Variants in ALDH1A2 observed in about 807,000 individuals in gnomAD.
ALDH1A2 encodes the protein aldehyde dehydrogenase 1 family member A2.
In ALDH1A2, 27 loss-of-function variants were observed where a neutral mutation model predicts 60.3. The observed-to-expected ratio is 0.45, with a 90% CI of 0.33 to 0.62. The LOEUF (loss-of-function observed/expected upper bound fraction) is 0.62, where lower values mean the gene tolerates loss of function less well. Among genes scored for constraint, ALDH1A2 ranks in the 20% least tolerant of loss-of-function variants. The pLI is 0.02. For synonymous variants in ALDH1A2, 289 were observed against 232.4 expected, an observed-to-expected ratio of 1.24 and a Z score of -2.21; for missense variants, 581 against 643.8, an observed-to-expected ratio of 0.90 and a Z score of 1.06.
At chr15:57,998,387 A>G (rs1482003872) in intron 4 of ALDH1A2, among the ~76,000 whole-genome samples, 2 of 152,112 alleles carry the variant, frequency 1.3e-5, no homozygotes, top group Non-Finnish European at 2.9e-5. Flanking sequence ...AAAAATCACA[A>G]CCATTCCTAT....
intron 7 of ALDH1A2, among the ~76,000 whole-genome samples, chr15:57,989,450 GAATA>G (rs1286621258): frequency 6.6e-6 from 1 of 152,024 alleles, no homozygotes; most frequent in Non-Finnish European, 1.5e-5. Flanking sequence ...TCTTCTAAAA[GAATA>G]AATGGGCTTT....
intron 12 of ALDH1A2, among the ~76,000 whole-genome samples, chr15:57,958,439 G>C (rs544369835): frequency 4.1e-4 from 63 of 152,294 alleles, no homozygotes; most frequent in Middle Eastern, 3.4e-3. Flanking sequence ...GCAGAAATAG[G>C]TGGGCAGGAG....
In ALDH1A2 at chr15:57,995,133, T is replaced by G. The variant is rs761939819; in HGVS notation, c.500A>C (p.Asp167Ala). ...TTCATGTCTTGTAAAGGTAAAATAG[T>G]CTCCATCTGAAAGAAAAAAGCATGG... ...IHGMTIPVDG[D>A]YFTFTRHEPI... The change falls in exon 5 of 13, where the codon GAC becomes GCC. Residue 167 changes from aspartate to alanine, a missense_variant. Asp to Ala is a moderately radical substitution (Grantham distance 126, BLOSUM62 -2). This residue lies in a region of ALDH1A2 where 375 missense variants were observed against 469.7 expected (regional missense o/e 0.80). Transcript: ENST00000249750. 1 of 1,605,046 alleles carries G rather than the reference T, an allele frequency of 6.2e-7. No individual in the cohort carries two copies. Among genetic ancestry groups the G allele is most frequent in the Admixed American group, 1.7e-5 (1 of 58,424 alleles).
At chr15:58,063,498 A>G (rs1897093749) in intron 1 of ALDH1A2, among the ~76,000 whole-genome samples, 2 of 152,014 alleles carry the variant, frequency 1.3e-5, no homozygotes, top group African/African-American at 4.8e-5. Flanking sequence ...TTTTCCTTTA[A>G]GTAAAAAAAT....
rs540619623 is a variant in ALDH1A2 at position 57,985,769 on chromosome 15, C to A, written c.798+6936G>T. 2.8e-4 allele frequency among the ~76,000 whole-genome samples: 43 copies of A among 152,216 alleles called. 1 individual carries two copies. In the South Asian group the frequency reaches 8.5e-3, roughly 30 times the overall value. On this transcript the variant is annotated intron_variant, in intron 7 of 12. Coordinates refer to ENST00000249750, the MANE Select transcript of ALDH1A2 (RefSeq NM_003888.4). The stretch of plus-strand genomic sequence containing the variant: ...ATAGACTCCAAAGAGAATGTCCTCC[C>A]CACAAATCTTCATATATGACCAGAA...
At chr15:57,961,896 G>A (rs1403100460) in intron 10 of ALDH1A2, 116 bp downstream of exon 10, 28 of 1,396,010 alleles carry the variant, frequency 2.0e-5, no homozygotes, top group Non-Finnish European at 2.6e-5. Context: ...CATTACTGTT[G>A]CAAAATGAAT....
At chr15:58,049,125 T>C (rs755673021) in intron 1 of ALDH1A2, among the ~76,000 whole-genome samples, 7 of 152,134 alleles carry the variant, frequency 4.6e-5, no homozygotes, top group Non-Finnish European at 1.0e-4. Context: ...AATTTATCCA[T>C]GTTGTTGAAT....
intron 1 of ALDH1A2, among the ~76,000 whole-genome samples, chr15:58,015,870 T>A (rs1383124707): frequency 1.3e-5 from 2 of 152,246 alleles, no homozygotes; most frequent in Non-Finnish European, 2.9e-5. Flanking sequence ...CTTAAATTAT[T>A]GGTCTGGTTC....
chr15:57,974,625 A>C (rs1486068984), intron 7 of ALDH1A2, among the ~76,000 whole-genome samples: 5 of 152,100 alleles, frequency 3.3e-5, no homozygotes, highest in African/African-American at 9.7e-5. Context: ...ACAAAAGTTG[A>C]AGTAGATCAT....
chr15:58,011,763 T>C (rs1895641194), intron 3 of ALDH1A2, among the ~76,000 whole-genome samples: 1 of 152,210 alleles, frequency 6.6e-6, no homozygotes, highest in African/African-American at 2.4e-5. Flanking sequence ...CTTATCACTG[T>C]ATATTGGCTC....
At chr15:58,040,233 G>C (rs1896483417) in intron 1 of ALDH1A2, among the ~76,000 whole-genome samples, 1 of 151,890 alleles carries the variant, frequency 6.6e-6, no homozygotes, top group Admixed American at 6.6e-5. Flanking sequence ...CTTCATCAAA[G>C]AAAGCACTGG....
chr15:57,980,863 C>A (rs1442072297), intron 7 of ALDH1A2, among the ~76,000 whole-genome samples: 1 of 152,120 alleles, frequency 6.6e-6, no homozygotes, highest in Non-Finnish European at 1.5e-5. Flanking sequence ...GGAATGGTAC[C>A]ACCTCTTCTT....
At chr15:57,980,420 T>G (rs534057333) in intron 7 of ALDH1A2, 22 of 359,936 alleles carry the variant, frequency 6.1e-5, no homozygotes, top group South Asian at 5.9e-4. Context: ...CATGGAGTGG[T>G]TGATCTTGGG....
intron 1 of ALDH1A2, 119 bp downstream of exon 1, chr15:58,065,415 C>T (rs1057030303): frequency 8.9e-6 from 8 of 902,682 alleles, no homozygotes; most frequent in Admixed American, 1.7e-5. Flanking sequence ...GCCGGGATGA[C>T]AGGCTGGCCC....
intron 12 of ALDH1A2, among the ~76,000 whole-genome samples, chr15:57,958,931 C>T (rs1176299040): frequency 1.3e-5 from 2 of 152,048 alleles, no homozygotes; most frequent in African/African-American, 4.8e-5. Context: ...CACCATAGGG[C>T]CTGGAAGACA....
chr15:58,053,809 G>A (rs1236703570), intron 1 of ALDH1A2, among the ~76,000 whole-genome samples: 3 of 152,012 alleles, frequency 2.0e-5, no homozygotes, highest in African/African-American at 7.2e-5. Context: ...CTACCACCCA[G>A]GCTTTAATCT....
At position 58,021,395 on chromosome 15, in the gene ALDH1A2, C is replaced by T. The variant is rs574349672; in HGVS notation, c.118-7114G>A. On this transcript the variant is annotated intron_variant, in intron 1 of 12. Coordinates refer to ENST00000249750, the MANE Select transcript of ALDH1A2 (RefSeq NM_003888.4). ...AAGAAAAGAGGTTGCCTCTTGCATC[C>T]TCCCTGACTGGGATCAGCTGGGAGC... 4.5e-4 allele frequency among the ~76,000 whole-genome samples: 68 copies of T among 152,318 alleles called. 3 individuals are homozygous for T. The South Asian group carries it at 0.012, about 28-fold the overall frequency.
chr15:58,026,253 G>A (rs1896077058), intron 1 of ALDH1A2, among the ~76,000 whole-genome samples: 1 of 152,114 alleles, frequency 6.6e-6, no homozygotes, highest in Non-Finnish European at 1.5e-5. Context: ...ATTTTTACCA[G>A]GAATGCAAGG....
intron 3 of ALDH1A2, among the ~76,000 whole-genome samples, chr15:58,012,381 T>G (rs1413852623): frequency 6.6e-6 from 1 of 152,182 alleles, no homozygotes; most frequent in Non-Finnish European, 1.5e-5. Flanking sequence ...AAATACAAGT[T>G]TAATTCTCAA....
Sources: gnomAD v4.1 joint callset for allele counts (sites outside exome capture counted in the v4.1 genomes callset) on GRCh38, gnomAD v4.1.1 for gene constraint, gnomAD v4.1.1 regional missense constraint, MANE v1.5 for transcripts, NCBI Gene and HGNC (gene_info 2026-07-23, HGNC 2026-07-21) for gene names.